SECISBP2L: variants seen among roughly 807,000 people sequenced by gnomAD.
SECISBP2L encodes the protein SECIS binding protein 2 like.
Under a neutral mutation model 114.7 loss-of-function variants are expected in SECISBP2L, and 43 were observed. The ratio of observed to expected loss-of-function variants is 0.38; its 90% CI spans 0.29 to 0.48. The LOEUF is 0.48. SECISBP2L is among the 20% of genes least tolerant of loss of function. SECISBP2L has a pLI of 0.98. For missense variants in SECISBP2L, 1,136 were observed against 1,301.1 expected, an observed-to-expected ratio of 0.87 and a Z score of 1.95; for synonymous variants, 451 against 439.7, an observed-to-expected ratio of 1.03 and a Z score of -0.32.
rs1008962552 is a variant in SECISBP2L at position 48,990,911 on chromosome 15, A to G, written c.*1333T>C. On this transcript the variant is annotated 3_prime_UTR_variant, in exon 18 of 18. Coordinates refer to ENST00000559471, the MANE Select transcript of SECISBP2L (RefSeq NM_001193489.2). ...TGGATGGAAGACAAAAAAATTACAT[A>G]GTTTGTCATTCTTCCACCATTACAT... The G allele has an allele frequency of 1.4e-5, 2 of 146,294 alleles. No homozygotes were observed. The highest frequency in any genetic ancestry group is 1.5e-5 in the Non-Finnish European group (1 of 68,006). 9.1% of individuals were successfully genotyped at this position (146,294 alleles called of 1,614,324 possible).
intron 13 of SECISBP2L, 120 bp downstream of exon 13, chr15:49,011,611 G>C (rs922646089): frequency 8.4e-7 from 1 of 1,188,046 alleles, no homozygotes; most frequent in East Asian, 2.5e-5. Flanking sequence ...AGAATAAAGA[G>C]ATTTATGTAA....
Position 48,989,758 on chromosome 15 carries a change from T to G in SECISBP2L, c.*2486A>C, listed in dbSNP as rs1214107909. 1 of 152,210 alleles carries G rather than the reference T, an allele frequency of 6.6e-6. No homozygotes were observed. Among genetic ancestry groups the G allele is most frequent in the Non-Finnish European group, 1.5e-5 (1 of 68,034 alleles). 9.4% of individuals were successfully genotyped at this position (152,210 alleles called of 1,614,324 possible). ...TTTCTTGTGATGATGAACCAACCCT[T>G]ACTCTTCCCACTGGATCTCTTTATA... On this transcript the variant is annotated 3_prime_UTR_variant, in exon 18 of 18. Coordinates refer to ENST00000559471, the MANE Select transcript of SECISBP2L (RefSeq NM_001193489.2).
chr15:49,040,506 G>A (rs1595797992), intron 1 of SECISBP2L, among the ~76,000 whole-genome samples: 1 of 142,016 alleles, frequency 7.0e-6, no homozygotes, highest in Non-Finnish European at 1.5e-5. Context: ...CTGAAAAGGA[G>A]TGTTATGATC....
chr15:49,041,131 T>C (rs781754149), intron 1 of SECISBP2L, among the ~76,000 whole-genome samples: 9 of 152,208 alleles, frequency 5.9e-5, no homozygotes, highest in Non-Finnish European at 1.0e-4. Context: ...ATGGAATAAA[T>C]GTAAACTACA....
intron 4 of SECISBP2L, among the ~76,000 whole-genome samples, chr15:49,031,221 T>C (rs1279529587): frequency 1.3e-5 from 2 of 151,766 alleles, no homozygotes; most frequent in African/African-American, 2.4e-5. Flanking sequence ...CTGATTTTTA[T>C]ATTTTTTAGT....
chr15:48,995,255 C>T (rs1170099556), intron 17 of SECISBP2L, among the ~76,000 whole-genome samples: 1 of 152,158 alleles, frequency 6.6e-6, no homozygotes, highest in Non-Finnish European at 1.5e-5. Flanking sequence ...TGCTCATTTA[C>T]AATGTTAGCA....
At chr15:49,004,206 G>C (rs757948505) in intron 14 of SECISBP2L, among the ~76,000 whole-genome samples, 2 of 152,166 alleles carry the variant, frequency 1.3e-5, no homozygotes, top group Non-Finnish European at 2.9e-5. Flanking sequence ...ATTTCTTCTA[G>C]ATTTTCTTGT....
At chr15:49,033,126 CA>C in intron 3 of SECISBP2L, 26 bp from the exon 4 acceptor site, 1 of 1,596,166 alleles carries the variant, frequency 6.3e-7, no homozygotes, top group Non-Finnish European at 8.5e-7. Flanking sequence ...AACAAAAAAA[CA>C]AAAAACACAC....
intron 1 of SECISBP2L, 104 bp from the exon 2 acceptor site, chr15:49,037,873 G>T: frequency 1.2e-6 from 1 of 839,676 alleles, no homozygotes; most frequent in Non-Finnish European, 1.7e-6. Flanking sequence ...CAGTAATTAG[G>T]TCTCTTCTCA....
At chr15:49,043,322 T>G (rs1189727515) in intron 1 of SECISBP2L, among the ~76,000 whole-genome samples, 1 of 152,150 alleles carries the variant, frequency 6.6e-6, no homozygotes, top group African/African-American at 2.4e-5. Flanking sequence ...AAACGCATGT[T>G]GCATGAAATC....
rs2141059421 is a variant in SECISBP2L at position 48,996,425 on chromosome 15, G to A, written c.2565C>T (p.Ala855=). ...GHSRNPSAAS[A]ISFCSVISEP... ...CAGAAATAACACTGCAGAAAGAAAT[G>A]GCACTTGCTGCAGAGGGATTCCGAG... Residue 855 remains alanine (A), a synonymous_variant, in exon 17 of 18, where the codon GCC becomes GCT. Transcript: ENST00000559471. 1 of 1,614,054 alleles carries A rather than the reference G, an allele frequency of 6.2e-7. No homozygotes were observed. The highest frequency in any genetic ancestry group is 2.2e-5 in the East Asian group (1 of 44,864).
chr15:48,992,182 G>C lies in SECISBP2L; in HGVS notation c.*62C>G, dbSNP rs769269495. The stretch of plus-strand genomic sequence containing the variant: ...GGACAGTGCAAAATGTTGAGATGAA[G>C]CATAAAAGGTAATGGCTGCAACCCT... On this transcript the variant is annotated 3_prime_UTR_variant, in exon 18 of 18. Transcript: ENST00000559471. 4 of 1,449,612 alleles carry C rather than the reference G, an allele frequency of 2.8e-6. No individual in the cohort carries two copies. The African/African-American group carries it at 5.7e-5, about 21-fold the overall frequency. 89.8% of individuals were successfully genotyped at this position (1,449,612 alleles called of 1,614,324 possible). A position where few individuals can be genotyped will look rare whatever the true frequency, so the allele number is the denominator to read the frequency against.
chr15:49,017,182 A>G (rs1902554062), intron 9 of SECISBP2L, 167 bp from the exon 10 acceptor site: 1 of 673,948 alleles, frequency 1.5e-6, no homozygotes, highest in African/African-American at 1.8e-5. Context: ...TCAGACTGGG[A>G]AATAATAAAG....
chr15:48,998,264 T>C (rs1902135662), intron 16 of SECISBP2L, among the ~76,000 whole-genome samples: 1 of 152,190 alleles, frequency 6.6e-6, no homozygotes, highest in African/African-American at 2.4e-5. Flanking sequence ...TTTTAAATTG[T>C]TTAAAATAGC....
At chr15:49,001,761 C>T (rs1012699685) in intron 14 of SECISBP2L, 4 of 152,274 alleles carry the variant, frequency 2.6e-5, no homozygotes, top group African/African-American at 9.6e-5. Flanking sequence ...TGGTTTCCAG[C>T]TTCATCCATG....
At chr15:49,006,694 C>A (rs1902330647) in intron 14 of SECISBP2L, among the ~76,000 whole-genome samples, 1 of 152,020 alleles carries the variant, frequency 6.6e-6, no homozygotes, top group South Asian at 2.1e-4. Context: ...TGAATTAGAA[C>A]ATACTCCTTT....
At chr15:49,017,971 G>A (rs1595789151) in intron 8 of SECISBP2L, among the ~76,000 whole-genome samples, 1 of 152,078 alleles carries the variant, frequency 6.6e-6, no homozygotes. Flanking sequence ...TTAACAGACA[G>A]CTTCATGTAA....
chr15:49,011,712 G>C lies in SECISBP2L; in HGVS notation c.1864+19C>G. ...TTCAGACCATTCCATGAGAAGAGGA[G>C]AAAGGGGGAGCTCCTTACCTTCCTG... On this transcript the variant is annotated intron_variant, in intron 13 of 17. Coordinates refer to ENST00000559471, the MANE Select transcript of SECISBP2L (RefSeq NM_001193489.2). 1.2e-6 allele frequency: 2 copies of C among 1,613,354 alleles called. No homozygotes were observed. Among genetic ancestry groups the C allele is most frequent in the South Asian group, 1.1e-5 (1 of 90,994 alleles).
chr15:49,033,117 A>G lies in SECISBP2L; in HGVS notation c.529-17T>C. 3 of 1,600,148 alleles carry G rather than the reference A, an allele frequency of 1.9e-6. No individual in the cohort carries two copies. The highest frequency in any genetic ancestry group is 2.6e-6 in the Non-Finnish European group (3 of 1,176,006). On this transcript the variant is annotated splice_polypyrimidine_tract_variant and intron_variant, in intron 3 of 17. Transcript: ENST00000559471. ...AAGCTGTTGCTGATTTAAAAAAAAA[A>G]CAAAAAAACAAAAAACACACAACTA... is the stretch of plus-strand genomic sequence containing the variant.
Sources: allele counts gnomAD v4.1 joint callset (sites outside exome capture counted in the v4.1 genomes callset), GRCh38; gene constraint gnomAD v4.1.1; transcripts MANE v1.5; gene names NCBI Gene and HGNC (gene_info 2026-07-23, HGNC 2026-07-21).